PAX6: variants seen among roughly 807,000 people sequenced by gnomAD.
PAX6 encodes paired box protein Pax-6.
PAX6 carries 7 observed loss-of-function variants against 60.7 expected under a neutral mutation model. That is an observed-to-expected ratio of 0.12 (90% CI 0.07 to 0.22). The LOEUF (loss-of-function observed/expected upper bound fraction) is 0.22, where lower values mean the gene tolerates loss of function less well. Ranked by LOEUF, PAX6 falls within the 10% of genes least tolerant of loss-of-function variation. The pLI is 1.00. For synonymous variants in PAX6, 208 were observed against 201.2 expected, an observed-to-expected ratio of 1.03 and a Z score of -0.29; for missense variants, 355 against 555.2, an observed-to-expected ratio of 0.64 and a Z score of 3.62.
At chr11:31,790,316 T>G (rs1193113499) in intron 13 of PAX6, 1 of 654,556 alleles carries the variant, frequency 1.5e-6, no homozygotes, top group Non-Finnish European at 2.2e-6. Context: ...TAAAGCTGTC[T>G]CTGGAAAACC....
intron 8 of PAX6, among the ~76,000 whole-genome samples, chr11:31,799,861 A>C (rs1952987655): frequency 6.6e-6 from 1 of 152,064 alleles, no homozygotes; most frequent in African/African-American, 2.4e-5. Flanking sequence ...AATACCGATT[A>C]ATCTTCGGAG....
At chr11:31,803,966 T>C (rs985276056) in intron 4 of PAX6, 7 of 152,206 alleles carry the variant, frequency 4.6e-5, no homozygotes, top group African/African-American at 1.7e-4. Flanking sequence ...AGCCCCGACT[T>C]AGATAGCAGC....
intron 11 of PAX6, 49 bp downstream of exon 11, chr11:31,793,603 G>C: frequency 6.2e-7 from 1 of 1,613,466 alleles, no homozygotes; most frequent in Non-Finnish European, 8.5e-7. Context: ...AGAGCCCGGA[G>C]CAAACAGGTT....
At chr11:31,790,633 A>T (rs919139773) in intron 13 of PAX6, 77 bp downstream of exon 13, 12 of 1,599,446 alleles carry the variant, frequency 7.5e-6, no homozygotes, top group Non-Finnish European at 1.0e-5. Flanking sequence ...CTCCCATAAG[A>T]CCAGGAGATT....
At chr11:31,817,365 G>A (rs373141166) in intron 1 of PAX6, among the ~76,000 whole-genome samples, 2 of 152,350 alleles carry the variant, frequency 1.3e-5, no homozygotes, top group East Asian at 3.9e-4. Context: ...CCGACCCGCG[G>A]CAGGGTGTCT....
chr11:31,792,107 A>T (rs1342745694), intron 12 of PAX6: 1 of 152,230 alleles, frequency 6.6e-6, no homozygotes, highest in Non-Finnish European at 1.5e-5. Flanking sequence ...AAACTGAACG[A>T]GACACTCTGT....
chr11:31,804,110 G>C (rs1057262004), intron 4 of PAX6: 4 of 152,182 alleles, frequency 2.6e-5, no homozygotes, highest in Admixed American at 6.5e-5. Flanking sequence ...TAGAAGAGGG[G>C]GGAAAATATG....
intron 7 of PAX6, 95 bp from the exon 8 acceptor site, chr11:31,800,951 A>G (rs1953622273): frequency 1.5e-6 from 2 of 1,336,304 alleles, no homozygotes; most frequent in Admixed American, 1.8e-5. Context: ...AGCAACTCTC[A>G]ACCCGTTAAA....
intron 8 of PAX6, among the ~76,000 whole-genome samples, chr11:31,798,573 C>A (rs1309096032): frequency 1.3e-5 from 2 of 152,206 alleles, no homozygotes; most frequent in Non-Finnish European, 2.9e-5. Context: ...CAACTCTGTG[C>A]TTCGTTTGGC....
chr11:31,815,231 T>A (rs944890621), upstream of PAX6, among the ~76,000 whole-genome samples: 14 of 152,130 alleles, frequency 9.2e-5, no homozygotes, highest in Non-Finnish European at 1.6e-4. Context: ...TCAGCGGCAC[T>A]CTCCGATTTT....
intron 4 of PAX6, 48 bp downstream of exon 4, chr11:31,806,354 G>A: frequency 2.5e-6 from 4 of 1,592,300 alleles, no homozygotes; most frequent in Non-Finnish European, 3.4e-6. Context: ...TGACCCTCGG[G>A]TCCGCGCACC....
chr11:31,801,575 C>G lies in PAX6; in HGVS notation c.385G>C (p.Asp129His). The change falls in exon 7 of 14, where the codon GAT becomes CAT. Residue 129 changes from aspartate to histidine, a missense_variant. This residue lies in a region of PAX6 where 143 missense variants were observed against 183.6 expected (regional missense o/e 0.78). Transcript: ENST00000640368. ...AATGAACTTACGCTTGGTATGTTAT[C>G]GTTGGTACAGACCCCCTCGGACAGT... ...RLLSEGVCTN[D>H]NIPSVSSINR... is the part of the protein sequence containing the mutation. 1 of 1,614,116 alleles carries G rather than the reference C, an allele frequency of 6.2e-7. No individual in the cohort carries two copies. Among genetic ancestry groups the G allele is most frequent in the Non-Finnish European group, 8.5e-7 (1 of 1,180,034 alleles).
At chr11:31,809,876 G>C (rs1186793503) in intron 2 of PAX6, 1 of 152,412 alleles carries the variant, frequency 6.6e-6, no homozygotes, top group African/African-American at 2.4e-5. Context: ...GGTGAGACTG[G>C]ATCAGAGGAA....
chr11:31,799,686 G>T (rs1267494122), intron 8 of PAX6, among the ~76,000 whole-genome samples: 2 of 152,082 alleles, frequency 1.3e-5, no homozygotes, highest in Non-Finnish European at 2.9e-5. Flanking sequence ...CCATGGAGGC[G>T]CCGGGCATCC....
At chr11:31,790,366 G>T in intron 13 of PAX6, 2 of 998,122 alleles carry the variant, frequency 2.0e-6, no homozygotes, top group South Asian at 1.9e-5. Context: ...GTCTAGAGGA[G>T]CTATGAGGGC....
At chr11:31,793,081 T>G (rs1950394185) in intron 12 of PAX6, 1 of 599,060 alleles carries the variant, frequency 1.7e-6, no homozygotes, top group Admixed American at 2.9e-5. Flanking sequence ...TTTAAACTAC[T>G]AATCTGCTAT....
At chr11:31,793,840 G>A (rs1332978699) in intron 10 of PAX6, 38 bp from the exon 11 acceptor site, 12 of 1,613,370 alleles carry the variant, frequency 7.4e-6, no homozygotes, top group Non-Finnish European at 9.3e-6. Flanking sequence ...CTGTGTCTAC[G>A]TCGAGCCCAG....
chr11:31,805,441 G>C (rs901186392), intron 4 of PAX6: 1 of 152,618 alleles, frequency 6.6e-6, no homozygotes, highest in African/African-American at 2.4e-5. Flanking sequence ...GATGGATAAG[G>C]TGCTGGGGAC....
chr11:31,812,288 TTCTC>T (rs1163504431), upstream of PAX6: 1,309 of 121,206 alleles, frequency 0.011, 27 homozygotes, highest in African/African-American at 0.043. Flanking sequence ...CTGGGAGGGA[TTCTC>T]TCTCTCTCTC....
Sources: gnomAD v4.1 joint callset for allele counts (sites outside exome capture counted in the v4.1 genomes callset) on GRCh38, gnomAD v4.1.1 for gene constraint, gnomAD v4.1.1 regional missense constraint, MANE v1.5 for transcripts, NCBI Gene and HGNC (gene_info 2026-07-23, HGNC 2026-07-21) for gene names.